Variants in NUP205 observed in about 807,000 individuals in gnomAD.
NUP205 encodes the protein nuclear pore complex protein Nup205.
Under a neutral mutation model 253.8 loss-of-function variants are expected in NUP205, and 76 were observed. The observed-to-expected ratio is 0.30, with a 90% CI of 0.25 to 0.36. NUP205 has a LOEUF of 0.36. NUP205 is among the 10% of genes least tolerant of loss of function. The probability of loss-of-function intolerance (pLI) is 1.00; values close to 1 mark genes in which losing one functional copy is unlikely to be tolerated. For missense variants in NUP205, 2,162 were observed against 2,425.5 expected (o/e 0.89, Z 2.28); for synonymous variants, 832 against 850.1 (o/e 0.98, Z 0.37).
In NUP205 at chr7:135,577,989, T is replaced by C. The variant is rs755385364; in HGVS notation, c.842T>C (p.Ile281Thr). 2.9e-5 allele frequency: 46 copies of C among 1,613,714 alleles called. No homozygotes were observed. Among genetic ancestry groups the C allele is most frequent in the Admixed American group, 1.3e-4 (8 of 59,990 alleles). The change falls in exon 6 of 43, where the codon ATC becomes ACC. Residue 281 changes from isoleucine to threonine, a missense_variant. Physicochemically the swap from Ile to Thr is moderately conservative, Grantham distance 89. Transcript: ENST00000285968. Reference protein sequence around the residue: ...LLMALLYCFDISFIEQSTEER... With the variant: ...LLMALLYCFDTSFIEQSTEER... ...ATGGCGCTTCTATACTGTTTTGATA[T>C]CAGTTTTATAGAGCAAAGCACAGAG...
Position 135,630,377 on chromosome 7 carries a change from A to G in NUP205, c.4966A>G (p.Ile1656Val). Residue 1656 changes from isoleucine (I) to valine (V), a missense_variant, in exon 35 of 43, where the codon ATA (isoleucine) becomes GTA (valine). Physicochemically the swap from Ile to Val is conservative, Grantham distance 29. Around this residue, in one of 5 missense-constraint regions of NUP205, gnomAD observed 1,144 missense variants for 1,280.9 expected, o/e 0.89. Transcript: ENST00000285968. Reference sequence around the variant, plus strand: ...GTTTCTTATTTCACATTCTGATACCATACAAGCAATTCTGCGCTGTCAGGA... The same window carrying G: ...GTTTCTTATTTCACATTCTGATACCGTACAAGCAATTCTGCGCTGTCAGGA... ...LQFLISHSDT[I>V]QAILRCQDVS... is the part of the protein sequence containing the mutation. 6.2e-7 allele frequency: 1 copy of G among 1,606,214 alleles called. No homozygotes were observed. Among genetic ancestry groups the G allele is most frequent in the Non-Finnish European group, 8.5e-7 (1 of 1,176,228 alleles).
chr7:135,638,065 A>T lies in NUP205; in HGVS notation c.5265+6A>T, dbSNP rs1403260859. The T allele has an allele frequency of 1.2e-6, 2 of 1,609,610 alleles. No homozygotes were observed. Among genetic ancestry groups the T allele is most frequent in the African/African-American group, 2.7e-5 (2 of 74,698 alleles). ...TTGAACTGGCTATGCAGCAGGTAAG[A>T]ACCATGTGACTTCTCTAAGGTTTTT... On this transcript the variant is annotated splice_donor_region_variant and intron_variant, in intron 37 of 42. Transcript: ENST00000285968.
chr7:135,636,334 T>C (rs888642023), intron 36 of NUP205, among the ~76,000 whole-genome samples: 1 of 152,158 alleles, frequency 6.6e-6, no homozygotes, highest in Non-Finnish European at 1.5e-5. Flanking sequence ...TTTCAAGATT[T>C]CATAAGAAAA....
intron 40 of NUP205, among the ~76,000 whole-genome samples, chr7:135,645,265 A>C (rs2129492687): frequency 6.6e-6 from 1 of 152,344 alleles, no homozygotes; most frequent in Middle Eastern, 3.4e-3. Flanking sequence ...CTGCTGGCAC[A>C]GGACCCCAAG....
intron 35 of NUP205, among the ~76,000 whole-genome samples, chr7:135,632,559 C>G (rs1794735070): frequency 6.6e-6 from 1 of 151,432 alleles, no homozygotes; most frequent in African/African-American, 2.4e-5. Context: ...GCTGAGCCCT[C>G]TGGGTTGAGA....
Position 135,593,090 on chromosome 7 carries a change from A to G in NUP205, c.1728A>G (p.Ala576=). 6.2e-7 allele frequency: 1 copy of G among 1,614,098 alleles called. No homozygotes were observed. ...ACCTTCGGAAGGATCTTCCAAGTGC[A>G]GATAGTGTCCAGTACCGTCACCTTC... ...HEHLRKDLPS[A]DSVQYRHLPS... The change falls in exon 12 of 43, where the codon GCA becomes GCG. Residue 576 remains alanine, a synonymous_variant. Coordinates refer to ENST00000285968, the MANE Select transcript of NUP205 (RefSeq NM_015135.3).
chr7:135,563,462 A>G (rs113026523), intron 1 of NUP205, among the ~76,000 whole-genome samples: 3,217 of 152,202 alleles, frequency 0.021, 152 homozygotes, highest in African/African-American at 0.072. Context: ...TGGTGGGATT[A>G]CAGGCGTGAG....
At chr7:135,573,947 C>A in intron 3 of NUP205, 122 bp downstream of exon 3, 1 of 768,762 alleles carries the variant, frequency 1.3e-6, no homozygotes, top group Non-Finnish European at 2.0e-6. Context: ...TTGGTAAAAC[C>A]ATATTCAAAA....
intron 17 of NUP205, 65 bp downstream of exon 17, chr7:135,601,572 G>A: frequency 6.6e-7 from 1 of 1,520,242 alleles, no homozygotes; most frequent in Non-Finnish European, 8.9e-7. Flanking sequence ...TGTAAACTGA[G>A]AATTTGAAAT....
chr7:135,568,534 A>T (rs1293034404), intron 1 of NUP205, among the ~76,000 whole-genome samples: 1 of 151,818 alleles, frequency 6.6e-6, no homozygotes, highest in Non-Finnish European at 1.5e-5. Context: ...GGTTTTTACC[A>T]TGTTGGCCAG....
rs1563111634 is a variant in NUP205 at position 135,573,785 on chromosome 7, T to C, written c.303T>C (p.Phe101=). Residue 101 remains phenylalanine, a synonymous_variant, in exon 3 of 43, where the codon TTT becomes TTC. Transcript: ENST00000285968. ...AAGCCTTTATTCTCAGTGACCTTTT[T>C]GATATTGGAGAATTGGCAGCTGTTG... ...IKEAFILSDL[F]DIGELAAVEL... is the part of the protein sequence containing the mutation. 2.5e-6 allele frequency: 4 copies of C among 1,613,520 alleles called. No homozygotes were observed. Among genetic ancestry groups the C allele is most frequent in the Non-Finnish European group, 3.4e-6 (4 of 1,179,872 alleles).
At chr7:135,560,990 G>A (rs745907443) in intron 1 of NUP205, among the ~76,000 whole-genome samples, 1 of 152,144 alleles carries the variant, frequency 6.6e-6, no homozygotes, top group African/African-American at 2.4e-5. Flanking sequence ...TTAAATTACA[G>A]TTTTAAAAAA....
chr7:135,619,039 T>C (rs1392791845), intron 28 of NUP205, among the ~76,000 whole-genome samples: 1 of 152,232 alleles, frequency 6.6e-6, no homozygotes, highest in Non-Finnish European at 1.5e-5. Flanking sequence ...TCTTATATTG[T>C]TACCATAGTT....
intron 16 of NUP205, 143 bp downstream of exon 16, chr7:135,601,112 C>G (rs1228290222): frequency 3.4e-6 from 2 of 595,804 alleles, no homozygotes; most frequent in Non-Finnish European, 5.6e-6. Flanking sequence ...TTTAATTTTT[C>G]TGTTCAAGAG....
At chr7:135,587,054 TG>T (rs1267276876) in intron 8 of NUP205, among the ~76,000 whole-genome samples, 4 of 151,446 alleles carry the variant, frequency 2.6e-5, no homozygotes, top group African/African-American at 7.3e-5. Context: ...TGTCTAGCTA[TG>T]TTTTTTTTTT....
At position 135,602,931 on chromosome 7, in the gene NUP205, A is replaced by C. The variant is rs759998182; in HGVS notation, c.2639A>C (p.Glu880Ala). The change falls in exon 18 of 43, where the codon GAA (glutamate) becomes GCA (alanine). Residue 880 changes from glutamate (E) to alanine (A), a missense_variant. Glu to Ala is a moderately radical substitution (Grantham distance 107). Around this residue, in one of 5 missense-constraint regions of NUP205, gnomAD observed 892 missense variants for 957.1 expected, o/e 0.93. Transcript: ENST00000285968. ...CTGGCTCTAATAGTCTGTCCTTTAGAACAGCTTTTGCAGGGAATTAATCCC... is the reference window on the plus strand; with the variant it reads ...CTGGCTCTAATAGTCTGTCCTTTAGCACAGCTTTTGCAGGGAATTAATCCC... ...SQLALIVCPL[E>A]QLLQGINPRT... 1.9e-6 allele frequency: 3 copies of C among 1,613,844 alleles called. No individual in the cohort carries two copies. Among genetic ancestry groups the C allele is most frequent in the Non-Finnish European group, 2.5e-6 (3 of 1,179,940 alleles).
intron 7 of NUP205, 147 bp from the exon 8 acceptor site, chr7:135,584,685 A>G: frequency 1.5e-6 from 1 of 667,130 alleles, no homozygotes; most frequent in South Asian, 1.8e-5. Context: ...TGAGTCAATT[A>G]CAGTTATATA....
intron 15 of NUP205, among the ~76,000 whole-genome samples, chr7:135,600,172 G>A (rs1793934180): frequency 6.6e-6 from 1 of 152,100 alleles, no homozygotes; most frequent in Admixed American, 6.6e-5. Context: ...TTTAAACAAA[G>A]TTTTAATTTT....
rs1446441754 is a variant in NUP205 at position 135,635,661 on chromosome 7, A to G, written c.5136+4A>G. The G allele has an allele frequency of 2.0e-6, 3 of 1,526,870 alleles. No homozygotes were observed. Among genetic ancestry groups the G allele is most frequent in the South Asian group, 2.3e-5 (2 of 86,480 alleles). The allele number at this position is 1,526,870 out of a possible 1,614,324, so 94.6% of individuals were successfully genotyped here. ...GGGACATATTGGAAGATTCCAGGTA[A>G]CTGATTCTTATTTCTTTAAATAGCA... On this transcript the variant is annotated splice_donor_region_variant and intron_variant, in intron 36 of 42. Coordinates refer to ENST00000285968, the MANE Select transcript of NUP205 (RefSeq NM_015135.3).
Sources: gnomAD v4.1 joint callset for allele counts (sites outside exome capture counted in the v4.1 genomes callset) on GRCh38, gnomAD v4.1.1 for gene constraint, gnomAD v4.1.1 regional missense constraint, MANE v1.5 for transcripts, NCBI Gene and HGNC (gene_info 2026-07-23, HGNC 2026-07-21) for gene names.